The following UNC5C variants were observed in gnomAD, a reference collection of about 807,000 sequenced individuals.
UNC5C encodes unc-5 netrin receptor C, also known as netrin receptor UNC5C.
UNC5C carries 47 observed loss-of-function variants against 99.8 expected under a neutral mutation model. That is an observed-to-expected ratio of 0.47 (90% CI 0.37 to 0.60). UNC5C has a LOEUF of 0.60. UNC5C is among the 20% of genes least tolerant of loss of function. UNC5C has a pLI of 0.00. For missense variants in UNC5C, 1,062 were observed against 1,165.9 expected (o/e 0.91, Z 1.30); for synonymous variants, 487 against 452.2 (o/e 1.08, Z -0.98).
At chr4:95,292,706 T>C (rs1022800919) in intron 3 of UNC5C, among the ~76,000 whole-genome samples, 1 of 152,204 alleles carries the variant, frequency 6.6e-6, no homozygotes, top group Non-Finnish European at 1.5e-5. Context: ...CTACCTGATG[T>C]TCTTGAATTC....
intron 1 of UNC5C, among the ~76,000 whole-genome samples, chr4:95,468,484 T>G (rs1313534898): frequency 1.3e-5 from 2 of 152,166 alleles, no homozygotes; most frequent in Admixed American, 1.3e-4. Flanking sequence ...ATAATATCTT[T>G]CATCATTTCC....
intron 1 of UNC5C, among the ~76,000 whole-genome samples, chr4:95,514,123 A>G (rs907851293): frequency 6.6e-6 from 1 of 152,124 alleles, no homozygotes; most frequent in Non-Finnish European, 1.5e-5. Context: ...TCATTTTTCC[A>G]TCGTCTCATT....
Position 95,404,934 on chromosome 4 carries a change from T to G in UNC5C, c.125-69303A>C, listed in dbSNP as rs539005782. ...CTGGCTGGGGGCAGTTGAAGAGGAG[T>G]TTAGCCAGTGGGAGGCCCGACTCCT... is the stretch of plus-strand genomic sequence containing the variant. On this transcript the variant is annotated intron_variant, in intron 1 of 15. Coordinates refer to ENST00000453304, the MANE Select transcript of UNC5C (RefSeq NM_003728.4). Among the ~76,000 whole-genome samples, 9 of 151,968 alleles carry G rather than the reference T, an allele frequency of 5.9e-5. No homozygotes were observed. In the South Asian group the frequency reaches 1.7e-3, roughly 28 times the overall value.
intron 7 of UNC5C, among the ~76,000 whole-genome samples, chr4:95,226,467 A>G (rs1738693467): frequency 6.6e-6 from 1 of 152,234 alleles, no homozygotes; most frequent in South Asian, 2.1e-4. Context: ...GATGCACGTT[A>G]CTAAGGTATA....
chr4:95,188,740 T>C (rs1005008935), intron 12 of UNC5C, among the ~76,000 whole-genome samples: 3 of 152,172 alleles, frequency 2.0e-5, no homozygotes, highest in Non-Finnish European at 4.4e-5. Context: ...CAGTTCAATG[T>C]TTTCCTCTGC....
At chr4:95,205,080 G>A (rs3775050) in intron 11 of UNC5C, among the ~76,000 whole-genome samples, 108,140 of 151,876 alleles carry the variant, frequency 0.71, 38,857 homozygotes, top group Middle Eastern at 0.9. Context: ...GTGACATGGT[G>A]CAGAAAGCTT....
chr4:95,495,156 G>T (rs1326508917), intron 1 of UNC5C, among the ~76,000 whole-genome samples: 2 of 151,450 alleles, frequency 1.3e-5, no homozygotes, highest in Non-Finnish European at 3.0e-5. Context: ...GCAAATTATT[G>T]TTCTCTATTT....
At chr4:95,268,547 T>C (rs1740538516) in intron 4 of UNC5C, among the ~76,000 whole-genome samples, 1 of 152,202 alleles carries the variant, frequency 6.6e-6, no homozygotes, top group African/African-American at 2.4e-5. Context: ...CTATGATTGG[T>C]TAAGGAATTG....
chr4:95,270,210 G>A (rs904204581), intron 4 of UNC5C, among the ~76,000 whole-genome samples: 5 of 152,156 alleles, frequency 3.3e-5, no homozygotes, highest in African/African-American at 1.2e-4. Flanking sequence ...GGATAATTAT[G>A]CTGGATGTTC....
chr4:95,318,887 T>C (rs540964674), intron 2 of UNC5C, among the ~76,000 whole-genome samples: 37 of 152,366 alleles, frequency 2.4e-4, no homozygotes, highest in Middle Eastern at 3.4e-3. Flanking sequence ...ACCATAGGAC[T>C]ACCAAGGGGT....
At chr4:95,332,577 G>GT (rs1743159698) in intron 2 of UNC5C, among the ~76,000 whole-genome samples, 3 of 151,764 alleles carry the variant, frequency 2.0e-5, no homozygotes, top group South Asian at 2.1e-4. Context: ...CATTCAAGAT[G>GT]GATTAAAGAC....
chr4:95,272,392 A>G (rs543799781), intron 4 of UNC5C, among the ~76,000 whole-genome samples: 2 of 152,382 alleles, frequency 1.3e-5, no homozygotes, highest in South Asian at 2.1e-4. Context: ...TAAGTCAGAT[A>G]AAATCTGTTA....
intron 1 of UNC5C, among the ~76,000 whole-genome samples, chr4:95,350,469 GAGCA>G: frequency 7.3e-6 from 1 of 137,356 alleles, no homozygotes; most frequent in African/African-American, 2.7e-5. Flanking sequence ...CCTGGTAACA[GAGCA>G]AGACTCCGTC....
chr4:95,530,735 A>C (rs576526987), intron 1 of UNC5C, among the ~76,000 whole-genome samples: 1 of 152,328 alleles, frequency 6.6e-6, no homozygotes, highest in East Asian at 1.9e-4. Flanking sequence ...GCATCTTATC[A>C]TATGGCTTAT....
intron 6 of UNC5C, among the ~76,000 whole-genome samples, 176 bp from the exon 7 acceptor site, chr4:95,242,769 AG>A (rs1739374324): frequency 6.6e-6 from 1 of 152,202 alleles, no homozygotes; most frequent in Admixed American, 6.5e-5. Flanking sequence ...GGGTTTGGTG[AG>A]CTTTTCCTAT....
intron 1 of UNC5C, among the ~76,000 whole-genome samples, chr4:95,513,269 A>T (rs1191699654): frequency 6.6e-6 from 1 of 152,210 alleles, no homozygotes; most frequent in Non-Finnish European, 1.5e-5. Context: ...TAATCTATTT[A>T]CATCTTGCAA....
intron 2 of UNC5C, among the ~76,000 whole-genome samples, chr4:95,303,664 G>C (rs1310994217): frequency 6.6e-6 from 1 of 152,184 alleles, no homozygotes; most frequent in African/African-American, 2.4e-5. Flanking sequence ...CAATGAGCGA[G>C]ACTTTGTCTC....
At chr4:95,379,886 T>A (rs1366819491) in intron 1 of UNC5C, among the ~76,000 whole-genome samples, 2 of 152,164 alleles carry the variant, frequency 1.3e-5, no homozygotes, top group Non-Finnish European at 2.9e-5. Flanking sequence ...TGTCAGCTAC[T>A]CTTAGAGAAG....
chr4:95,525,184 G>A (rs1410519353), intron 1 of UNC5C, among the ~76,000 whole-genome samples: 3 of 152,142 alleles, frequency 2.0e-5, no homozygotes, highest in Non-Finnish European at 4.4e-5. Context: ...ACTCCCCTGT[G>A]TTGCTGGCCT....
Sources: allele counts gnomAD v4.1 joint callset (sites outside exome capture counted in the v4.1 genomes callset), GRCh38; gene constraint gnomAD v4.1.1; transcripts MANE v1.5; gene names NCBI Gene and HGNC (gene_info 2026-07-23, HGNC 2026-07-21).